Variants in LAMA5 observed in about 807,000 individuals in gnomAD.
LAMA5 encodes the protein laminin subunit alpha-5.
In LAMA5, 260 loss-of-function variants were observed where a neutral mutation model predicts 433.4. The ratio of observed to expected loss-of-function variants is 0.60; its 90% CI spans 0.54 to 0.66. LAMA5 has a LOEUF of 0.66. Among genes scored for constraint, LAMA5 ranks in the 30% least tolerant of loss-of-function variants. The pLI is 0.00. For missense variants in LAMA5, 5,378 were observed against 5,258.5 expected, an observed-to-expected ratio of 1.02 and a Z score of -0.70; for synonymous variants, 2,620 against 2,226.6, an observed-to-expected ratio of 1.18 and a Z score of -4.97.
rs748223605 is a variant in LAMA5 at position 62,353,164 on chromosome 20, G to C, written c.538C>G (p.Arg180Gly). 1.9e-6 allele frequency: 3 copies of C among 1,578,980 alleles called. No individual in the cohort carries two copies. The South Asian group carries it at 3.5e-5, about 18-fold the overall frequency. The change falls in exon 3 of 80, where the codon CGC becomes GGC. Residue 180 changes from arginine (R) to glycine (G), a missense_variant. Transcript: ENST00000252999. Reference protein sequence around the residue: ...WVLERSMDFGRTYQPWQFFAS... With the variant: ...WVLERSMDFGGTYQPWQFFAS... ...AAGAACTGCCAGGGCTGGTAGGTGC[G>C]GCCGAAGTCCATGGACCGCTCCAGC...
Position 62,335,261 on chromosome 20 carries a change from A to G in LAMA5, c.2332T>C (p.Cys778Arg). ...SNPEGCTRCSCDLRGTLGGVA... is the reference protein window; with the variant it reads ...SNPEGCTRCSRDLRGTLGGVA... ...CCACCCAGTGTGCCCCTGAGGTCGC[A>G]GCTGCAGCCTGGGGAGAGCAGGGCA... Residue 778 changes from cysteine (C) to arginine (R), a missense_variant, in exon 19 of 80, where the codon TGC becomes CGC. Physicochemically the swap from Cys to Arg is radical, Grantham distance 180 (BLOSUM62 -3). Transcript: ENST00000252999. The G allele has an allele frequency of 6.2e-7, 1 of 1,612,318 alleles. No homozygotes were observed. The highest frequency in any genetic ancestry group is 8.5e-7 in the Non-Finnish European group (1 of 1,179,460).
rs1985992594 is a variant in LAMA5 at position 62,309,749 on chromosome 20, C to T, written c.10915G>A (p.Ala3639Thr). 2.5e-6 allele frequency: 4 copies of T among 1,603,802 alleles called. No individual in the cohort carries two copies. The highest frequency in any genetic ancestry group is 1.7e-4 in the Middle Eastern group (1 of 5,954). Residue 3639 changes from alanine to threonine, a missense_variant, in exon 79 of 80, where the codon GCC becomes ACC. Coordinates refer to ENST00000252999, the MANE Select transcript of LAMA5 (RefSeq NM_005560.6). ...VGPLLAAAAGAPAPLYLGGLP... is the reference protein window; with the variant it reads ...VGPLLAAAAGTPAPLYLGGLP... The stretch of plus-strand genomic sequence containing the variant: ...CCCCCGAGGTACAGAGGGGCTGGGG[C>T]ACCAGCTGCAGCCGCCAGCAAGGGG...
Position 62,334,631 on chromosome 20 carries a change from G to C in LAMA5, c.2483-10C>G. The C allele has an allele frequency of 1.3e-6, 2 of 1,543,906 alleles. No homozygotes were observed. The highest frequency in any genetic ancestry group is 1.7e-6 in the Non-Finnish European group (2 of 1,145,944). On this transcript the variant is annotated splice_polypyrimidine_tract_variant and intron_variant, in intron 20 of 79. Transcript: ENST00000252999. ...ATGTCACACCGGCAGCCTGCAGGGA[G>C]AAGGTGGGAGGTCAGAGGCTGCCTG...
chr20:62,349,123 T>C (rs1171190799), intron 6 of LAMA5, among the ~76,000 whole-genome samples: 1 of 150,886 alleles, frequency 6.6e-6, no homozygotes, highest in Non-Finnish European at 1.5e-5. Context: ...CAAAAAAAAA[T>C]AGCCAGGCGT....
At position 62,322,117 on chromosome 20, in the gene LAMA5, C is replaced by G; in HGVS notation, c.6398G>C (p.Cys2133Ser). 6.2e-7 allele frequency: 1 copy of G among 1,603,184 alleles called. No individual in the cohort carries two copies. Among genetic ancestry groups the G allele is most frequent in the Non-Finnish European group, 8.5e-7 (1 of 1,178,644 alleles). ...GCGCTCCCCGCTGAGCCCCGGGGGG[C>G]AGTTGCAGCGGCCCGTGTGAGGGTC... The part of the protein sequence containing the change: ...RCDPHTGRCN[C>S]PPGLSGERCD... The change falls in exon 48 of 80, where the codon TGC (cysteine) becomes TCC (serine). Residue 2133 changes from cysteine (C) to serine (S), a missense_variant. Transcript: ENST00000252999.
chr20:62,310,793 C>T lies in LAMA5; in HGVS notation c.10318G>A (p.Val3440Met). Residue 3440 changes from valine to methionine, a missense_variant, in exon 75 of 80, where the codon GTG becomes ATG. Val to Met is a conservative substitution (Grantham distance 21, BLOSUM62 1). Transcript: ENST00000252999. ...VRWEKNRILL[V>M]TDGARAWSQE... ...CTCCAGGCCCGGGCCCCGTCCGTCA[C>T]CAGCAGGATCCGGTTCTTCTCCCAG... The T allele has an allele frequency of 6.4e-7, 1 of 1,552,564 alleles. No homozygotes were observed. The highest frequency in any genetic ancestry group is 8.7e-7 in the Non-Finnish European group (1 of 1,149,154).
chr20:62,350,466 CTGGCCGTGAGAATGGGAGTGAACCTT>C (rs1984121221), intron 6 of LAMA5, among the ~76,000 whole-genome samples: 1 of 152,214 alleles, frequency 6.6e-6, no homozygotes, highest in Non-Finnish European at 1.5e-5. Flanking sequence ...CTGCTCGGCA[CTGGCCGTGAGAATGGGAGTGAACCTT>C]TGTCCTGTCT....
rs1299549137 is a variant in LAMA5, at chr20:62,318,501, CCTCCCGT to C, written c.7185_7191del (p.Arg2396ProfsTer87). 6.2e-7 allele frequency: 1 copy of C among 1,608,628 alleles called. No homozygotes were observed. Among genetic ancestry groups the C allele is most frequent in the African/African-American group, 1.3e-5 (1 of 74,640 alleles). On this transcript the variant is annotated frameshift_variant, in exon 53 of 80. Coordinates refer to ENST00000252999, the MANE Select transcript of LAMA5 (RefSeq NM_005560.6). LOFTEE classifies it high-confidence loss of function. ...TGGTTGCGGCTGTTGAGCTCCTGGG[CCTCCCGT>C]GTGGCGTCCACTGCCCGGTTCAAAG... is the stretch of plus-strand genomic sequence containing the variant.
chr20:62,338,064 G>A lies in LAMA5; in HGVS notation c.1843C>T (p.His615Tyr), dbSNP rs148883831. The change falls in exon 14 of 80, where the codon CAT becomes TAT. Residue 615 changes from histidine to tyrosine, a missense_variant. By Grantham distance (83) the His-to-Tyr change is moderately conservative (BLOSUM62 2). Coordinates refer to ENST00000252999, the MANE Select transcript of LAMA5 (RefSeq NM_005560.6). ...CLCQPEFAGPHCDRCRPGYHG... is the reference protein window; with the variant it reads ...CLCQPEFAGPYCDRCRPGYHG... The stretch of plus-strand genomic sequence containing the variant: ...TAGCCAGGGCGGCACCGGTCACAAT[G>A]AGGTCCAGCAAACTCAGGCTGGCAT... 4.4e-6 allele frequency: 7 copies of A among 1,606,138 alleles called. No homozygotes were observed. Among genetic ancestry groups the A allele is most frequent in the East Asian group, 2.2e-5 (1 of 44,762 alleles).
rs1987599719 is a variant in LAMA5, at chr20:62,320,679, G to T, written c.6649-10C>A. The T allele has an allele frequency of 6.2e-7, 1 of 1,611,212 alleles. No individual in the cohort carries two copies. The highest frequency in any genetic ancestry group is 1.1e-5 in the South Asian group (1 of 90,970). Reference sequence around the variant, plus strand: ...GGCTCCGGAGCTGGCTCTGTGGGAGGCGAAAGGTGAAGGCCTGCACTGGCC... The same window carrying T: ...GGCTCCGGAGCTGGCTCTGTGGGAGTCGAAAGGTGAAGGCCTGCACTGGCC... On this transcript the variant is annotated splice_polypyrimidine_tract_variant and intron_variant, in intron 49 of 79. Coordinates refer to ENST00000252999, the MANE Select transcript of LAMA5 (RefSeq NM_005560.6).
rs544721758 is a variant in LAMA5, at chr20:62,350,032, C to T, written c.956+1672G>A. The stretch of plus-strand genomic sequence containing the variant: ...TTGGGACACTGGTGGGTGACCAGGT[C>T]CTGGTAACAGAGGCTGTGGTTCCAT... On this transcript the variant is annotated intron_variant, in intron 6 of 79. Transcript: ENST00000252999. Among the ~76,000 whole-genome samples the T allele has an allele frequency of 1.0e-3, 157 of 151,794 alleles. 4 individuals are homozygous for T. In the South Asian group the frequency reaches 0.032, roughly 31 times the overall value.
chr20:62,315,666 G>A (rs890213118), intron 58 of LAMA5, among the ~76,000 whole-genome samples: 2 of 152,112 alleles, frequency 1.3e-5, no homozygotes, highest in Non-Finnish European at 2.9e-5. Flanking sequence ...CTTCCTGCAG[G>A]GTGTGCCCCA....
Position 62,327,362 on chromosome 20 carries a change from C to G in LAMA5, c.4983G>C (p.Gln1661His). 1 of 1,599,556 alleles carries G rather than the reference C, an allele frequency of 6.3e-7. No homozygotes were observed. The highest frequency in any genetic ancestry group is 1.1e-5 in the South Asian group (1 of 89,028). The change falls in exon 38 of 80, where the codon CAG (glutamine) becomes CAC (histidine). Residue 1661 changes from glutamine (Q) to histidine (H), a missense_variant. Physicochemically the swap from Gln to His is conservative, Grantham distance 24 (BLOSUM62 0). Transcript: ENST00000252999. ...EGWVLLSTDR[Q>H]VVPHERQPGT... ...CTGGCTGCCGCTCGTGGGGCACCACCTGCCGGTCAGTGCTCAGCAGCACCC... is the reference window on the plus strand; with the variant it reads ...CTGGCTGCCGCTCGTGGGGCACCACGTGCCGGTCAGTGCTCAGCAGCACCC...
At chr20:62,351,570 TCA>T in intron 6 of LAMA5, 132 bp downstream of exon 6, 1 of 793,858 alleles carries the variant, frequency 1.3e-6, no homozygotes, top group Non-Finnish European at 2.1e-6. Flanking sequence ...TCAGTGCAGG[TCA>T]CACAGACAGC....
intron 3 of LAMA5, 85 bp from the exon 4 acceptor site, chr20:62,352,445 G>A (rs1351150250): frequency 3.0e-6 from 3 of 1,013,836 alleles, no homozygotes; most frequent in African/African-American, 1.6e-5. Flanking sequence ...GACGTCTCCG[G>A]GCCTTGCCAC....
At position 62,338,376 on chromosome 20, in the gene LAMA5, G is replaced by GC. The variant is rs1478225508; in HGVS notation, c.1619-8_1619-7insG. The GC allele has an allele frequency of 1.7e-5, 27 of 1,607,362 alleles. No individual in the cohort carries two copies. Among genetic ancestry groups the GC allele is most frequent in the Non-Finnish European group, 2.2e-5 (26 of 1,176,972 alleles). ...GGGCTGGAACACTGGCAGGCTGCAG[G>GC]AAAGGGTGGCCCACATGCTTGGTCA... On this transcript the variant is annotated splice_polypyrimidine_tract_variant and splice_region_variant and intron_variant, in intron 12 of 79. Transcript: ENST00000252999.
intron 41 of LAMA5, chr20:62,325,082 A>G: frequency 3.7e-6 from 1 of 270,154 alleles, no homozygotes; most frequent in Non-Finnish European, 7.4e-6. Flanking sequence ...GGGTGTGTGC[A>G]TGGAGGGGCA....
At position 62,318,661 on chromosome 20, in the gene LAMA5, C is replaced by T; in HGVS notation, c.7043-11G>A. ...GCACCCGGGCCAGCACTAGCCGAGA[C>T]CAGGGTGAGGGTGGTCACTCTGGAA... On this transcript the variant is annotated splice_polypyrimidine_tract_variant and intron_variant, in intron 52 of 79. Transcript: ENST00000252999. The T allele has an allele frequency of 6.2e-7, 1 of 1,608,596 alleles. No homozygotes were observed. The highest frequency in any genetic ancestry group is 8.5e-7 in the Non-Finnish European group (1 of 1,178,152).
chr20:62,315,022 G>A lies in LAMA5; in HGVS notation c.8047+6C>T. Reference sequence around the variant, plus strand: ...ATCAGGGGCACCGCGAGGGCCATGGGCGCACCTGAGTGGCCTGCGTCAAGC... The same window carrying A: ...ATCAGGGGCACCGCGAGGGCCATGGACGCACCTGAGTGGCCTGCGTCAAGC... On this transcript the variant is annotated splice_donor_region_variant and intron_variant, in intron 59 of 79. Coordinates refer to ENST00000252999, the MANE Select transcript of LAMA5 (RefSeq NM_005560.6). The A allele has an allele frequency of 6.3e-7, 1 of 1,587,644 alleles. No individual in the cohort carries two copies. Among genetic ancestry groups the A allele is most frequent in the Non-Finnish European group, 8.5e-7 (1 of 1,172,756 alleles).
Sources: allele counts gnomAD v4.1 joint callset (sites outside exome capture counted in the v4.1 genomes callset), GRCh38; gene constraint gnomAD v4.1.1; transcripts MANE v1.5; gene names NCBI Gene and HGNC (gene_info 2026-07-23, HGNC 2026-07-21).